The following KCNH1 variants were observed in gnomAD, a reference collection of about 807,000 sequenced individuals.
The protein encoded by KCNH1 is voltage-gated delayed rectifier potassium channel KCNH1.
In KCNH1, 27 loss-of-function variants were observed where a neutral mutation model predicts 69.2. The observed-to-expected ratio is 0.39, with a 90% CI of 0.29 to 0.54. The LOEUF is 0.54. Among genes scored for constraint, KCNH1 ranks in the 20% least tolerant of loss-of-function variants. The probability of loss-of-function intolerance (pLI) is 0.68; values close to 1 mark genes in which losing one functional copy is unlikely to be tolerated. For synonymous variants in KCNH1, 456 were observed against 487.7 expected (o/e 0.93, Z 0.86); for missense variants, 798 against 1,261.6 (o/e 0.63, Z 5.57).
chr1:210,934,499 C>G (rs959366745), intron 6 of KCNH1, among the ~76,000 whole-genome samples: 2 of 152,076 alleles, frequency 1.3e-5, no homozygotes, highest in African/African-American at 2.4e-5. Context: ...ATTAGCTGGG[C>G]ATGGTGGCTT....
At chr1:210,699,053 C>A (rs749379981) in intron 10 of KCNH1, among the ~76,000 whole-genome samples, 1 of 152,236 alleles carries the variant, frequency 6.6e-6, no homozygotes, top group Admixed American at 6.5e-5. Context: ...CTCTACCTCA[C>A]ACTCTCTGTC....
intron 10 of KCNH1, among the ~76,000 whole-genome samples, chr1:210,705,111 GAAGA>G (rs963573351): frequency 2.0e-5 from 3 of 152,282 alleles, no homozygotes; most frequent in South Asian, 2.1e-4. Context: ...TACCAACTTT[GAAGA>G]AAGAAAGACA....
chr1:210,922,957 C>T (rs1030674531), intron 6 of KCNH1, among the ~76,000 whole-genome samples: 3 of 152,190 alleles, frequency 2.0e-5, no homozygotes, highest in African/African-American at 7.2e-5. Context: ...GAACTTATTG[C>T]CCAGGGCAAA....
intron 7 of KCNH1, among the ~76,000 whole-genome samples, chr1:210,883,614 C>A (rs1019733272): frequency 6.6e-6 from 1 of 152,194 alleles, no homozygotes; most frequent in African/African-American, 2.4e-5. Context: ...TCCCAGCCAG[C>A]CTGGCTTAAA....
intron 10 of KCNH1, among the ~76,000 whole-genome samples, chr1:210,702,636 T>G (rs1196270174): frequency 2.0e-5 from 3 of 152,216 alleles, no homozygotes; most frequent in East Asian, 1.9e-4. Flanking sequence ...CTGGGTTGCA[T>G]GAGGTAGAGC....
chr1:210,761,625 A>G (rs1351914035), intron 10 of KCNH1, among the ~76,000 whole-genome samples: 1 of 152,176 alleles, frequency 6.6e-6, no homozygotes, highest in Non-Finnish European at 1.5e-5. Context: ...GCTTCAAACC[A>G]ACAAAAGTAA....
At chr1:210,917,275 G>GAAAGAAAAGA (rs1553359772) in intron 7 of KCNH1, among the ~76,000 whole-genome samples, 13 of 142,994 alleles carry the variant, frequency 9.1e-5, no homozygotes, top group African/African-American at 3.5e-4. Flanking sequence ...AAGAAAGAAA[G>GAAAGAAAAGA]AAAGAAAAGA....
chr1:211,053,221 T>C (rs1440122109), intron 5 of KCNH1, among the ~76,000 whole-genome samples: 1 of 152,236 alleles, frequency 6.6e-6, no homozygotes, highest in Non-Finnish European at 1.5e-5. Flanking sequence ...TTACTTTCAC[T>C]TCTAGTAATC....
intron 7 of KCNH1, among the ~76,000 whole-genome samples, chr1:210,848,583 G>T (rs1685611429): frequency 6.6e-6 from 1 of 152,042 alleles, no homozygotes; most frequent in Non-Finnish European, 1.5e-5. Flanking sequence ...AAGTTAATTT[G>T]CACTGAGCCA....
At chr1:210,737,077 C>G (rs571923686) in intron 10 of KCNH1, among the ~76,000 whole-genome samples, 1 of 152,200 alleles carries the variant, frequency 6.6e-6, no homozygotes, top group Non-Finnish European at 1.5e-5. Context: ...GCCAAAGCCA[C>G]GTGGTGATCA....
At chr1:210,694,922 C>T (rs1000451104) in intron 10 of KCNH1, among the ~76,000 whole-genome samples, 1 of 152,220 alleles carries the variant, frequency 6.6e-6, no homozygotes, top group African/African-American at 2.4e-5. Context: ...GATGATCCAA[C>T]AGCTTTCCCA....
intron 6 of KCNH1, among the ~76,000 whole-genome samples, chr1:210,940,487 A>G (rs1687857655): frequency 6.6e-6 from 1 of 152,240 alleles, no homozygotes; most frequent in Admixed American, 6.5e-5. Flanking sequence ...GCTTTGAACT[A>G]AAAATGGGAT....
At chr1:210,893,565 T>C (rs1450182296) in intron 7 of KCNH1, among the ~76,000 whole-genome samples, 5 of 151,990 alleles carry the variant, frequency 3.3e-5, no homozygotes, top group African/African-American at 1.2e-4. Flanking sequence ...TTCATCAAGT[T>C]TGAAGATTTT....
intron 6 of KCNH1, among the ~76,000 whole-genome samples, chr1:210,996,363 C>A (rs571072076): frequency 1.3e-5 from 2 of 152,304 alleles, no homozygotes; most frequent in Admixed American, 6.5e-5. Flanking sequence ...GAGGGTCCTA[C>A]GCCCATGGAG....
At chr1:211,104,972 G>T (rs17017204) in intron 2 of KCNH1, among the ~76,000 whole-genome samples, 11,763 of 152,174 alleles carry the variant, frequency 0.077, 688 homozygotes, top group South Asian at 0.17. Flanking sequence ...ACAGCCTTGG[G>T]CTTACTACAG....
At chr1:211,119,050 A>G (rs961719389) in intron 1 of KCNH1, among the ~76,000 whole-genome samples, 1 of 152,180 alleles carries the variant, frequency 6.6e-6, no homozygotes, top group Non-Finnish European at 1.5e-5. Flanking sequence ...TTCTAAGGAT[A>G]TCAGTACTCT....
chr1:210,744,835 T>G (rs1359258477), intron 10 of KCNH1, among the ~76,000 whole-genome samples: 2 of 152,096 alleles, frequency 1.3e-5, no homozygotes, highest in Non-Finnish European at 2.9e-5. Flanking sequence ...CAAGCGCCGT[T>G]AGTTACCGGG....
At chr1:211,065,140 C>T (rs1018451395) in intron 5 of KCNH1, among the ~76,000 whole-genome samples, 27 of 152,130 alleles carry the variant, frequency 1.8e-4, no homozygotes, top group African/African-American at 5.6e-4. Flanking sequence ...CAGGGTATAT[C>T]GTCAAAGGAA....
At chr1:210,730,861 T>C (rs1682732783) in intron 10 of KCNH1, among the ~76,000 whole-genome samples, 1 of 152,176 alleles carries the variant, frequency 6.6e-6, no homozygotes, top group Admixed American at 6.5e-5. Context: ...TCAAACCAAG[T>C]GGATTTTCTG....
Sources: allele counts gnomAD v4.1 joint callset (sites outside exome capture counted in the v4.1 genomes callset), GRCh38; gene constraint gnomAD v4.1.1; transcripts MANE v1.5; gene names NCBI Gene and HGNC (gene_info 2026-07-23, HGNC 2026-07-21).